Variants in CCDC3 observed in about 807,000 individuals in gnomAD.
CCDC3 encodes the protein coiled-coil domain containing 3, also known as coiled-coil domain-containing protein 3.
In CCDC3, 24 loss-of-function variants were observed where a neutral mutation model predicts 21.4. The observed-to-expected ratio is 1.12, with a 90% confidence interval of 0.81 to 1.58. The LOEUF (loss-of-function observed/expected upper bound fraction) is 1.58. Among genes scored for constraint, CCDC3 ranks in the 40% most tolerant of loss-of-function variants. CCDC3 has a pLI of 0.00. For missense variants in CCDC3, 425 were observed against 360.9 expected, an observed-to-expected ratio of 1.18 and a Z score of -1.44; for synonymous variants, 186 against 166.0, an observed-to-expected ratio of 1.12 and a Z score of -0.93.
intron 2 of CCDC3, among the ~76,000 whole-genome samples, chr10:12,905,517 GC>G (rs1834156012): frequency 6.6e-6 from 1 of 152,188 alleles, no homozygotes; most frequent in Non-Finnish European, 1.5e-5. Flanking sequence ...AACACCTGGT[GC>G]CAGAGACGCC....
At chr10:12,934,950 A>T (rs903561563) in intron 2 of CCDC3, among the ~76,000 whole-genome samples, 1 of 151,670 alleles carries the variant, frequency 6.6e-6, no homozygotes, top group Non-Finnish European at 1.5e-5. Context: ...TGTTACCCAC[A>T]CTGGAGTCCA....
chr10:12,982,180 C>T (rs986119154), intron 2 of CCDC3, among the ~76,000 whole-genome samples: 2 of 141,864 alleles, frequency 1.4e-5, no homozygotes, highest in African/African-American at 2.8e-5. Context: ...AAATCAAAAG[C>T]CATGGTCACA....
chr10:13,016,872 T>C (rs1229918047), intron 5 of CCDC3, among the ~76,000 whole-genome samples: 2 of 152,086 alleles, frequency 1.3e-5, no homozygotes, highest in Non-Finnish European at 2.9e-5. Context: ...TCTATAATAC[T>C]TCCACATTTA....
chr10:12,948,268 TG>T (rs146312555), intron 2 of CCDC3, among the ~76,000 whole-genome samples: 2,564 of 152,316 alleles, frequency 0.017, 68 homozygotes, highest in African/African-American at 0.058. Context: ...CCCAGCCACA[TG>T]GAACTGTGAG....
rs578157324 is a variant in CCDC3, at chr10:12,919,009, T to C, written c.550-20330A>G. On this transcript the variant is annotated intron_variant, in intron 2 of 2. Transcript: ENST00000378825. ...AGGCGGAGCTTGCAGTGAGCCGAGA[T>C]TGTGCCACTGCACTCCAGCCTGGGT... is the stretch of plus-strand genomic sequence containing the variant. Among the ~76,000 whole-genome samples, 52 of 152,162 alleles carry C rather than the reference T, an allele frequency of 3.4e-4. No individual in the cohort carries two copies. The East Asian group carries it at 4.3e-3, about 12-fold the overall frequency.
chr10:13,061,441 C>T (rs572481619), intron 4 of CCDC3, among the ~76,000 whole-genome samples: 29 of 152,066 alleles, frequency 1.9e-4, no homozygotes, highest in South Asian at 8.3e-4. Context: ...CTTGTGTGGA[C>T]GAAAACAGTC....
upstream of CCDC3, among the ~76,000 whole-genome samples, chr10:13,002,793 G>T (rs1220159935): frequency 1.3e-5 from 2 of 152,188 alleles, no homozygotes; most frequent in Non-Finnish European, 2.9e-5. Context: ...GAGTTTTGGA[G>T]GCAGGAAGTC....
intron 2 of CCDC3, among the ~76,000 whole-genome samples, chr10:12,945,031 C>G (rs756363699): frequency 3.3e-5 from 5 of 152,170 alleles, no homozygotes; most frequent in Non-Finnish European, 7.3e-5. Flanking sequence ...ACAACTTTCC[C>G]TCCCCTATAG....
chr10:12,924,419 C>G (rs1316566505), intron 2 of CCDC3, among the ~76,000 whole-genome samples: 6 of 152,138 alleles, frequency 3.9e-5, no homozygotes, highest in African/African-American at 9.7e-5. Context: ...CTTTCTGAAG[C>G]GAATATTCGT....
chr10:13,087,697 A>T (rs1837128666), intron 3 of CCDC3, among the ~76,000 whole-genome samples: 1 of 149,232 alleles, frequency 6.7e-6, no homozygotes, highest in African/African-American at 2.5e-5. Context: ...TTAGATACTT[A>T]GAAGATGATA....
At chr10:13,086,786 C>A (rs1157023813) in intron 3 of CCDC3, among the ~76,000 whole-genome samples, 1 of 152,284 alleles carries the variant, frequency 6.6e-6, no homozygotes, top group African/African-American at 2.4e-5. Flanking sequence ...GGAATTCAAT[C>A]CTAGTTTTCA....
intron 3 of CCDC3, among the ~76,000 whole-genome samples, chr10:13,092,517 T>C (rs1832583610): frequency 6.6e-6 from 1 of 152,228 alleles, no homozygotes; most frequent in African/African-American, 2.4e-5. Flanking sequence ...ATGACTGGGA[T>C]TTCTTTCTGC....
intron 2 of CCDC3, among the ~76,000 whole-genome samples, chr10:12,919,948 G>A (rs978509824): frequency 6.6e-6 from 1 of 152,088 alleles, no homozygotes. Context: ...TGGAATTGAG[G>A]CTCCCCAGCC....
chr10:12,937,620 G>C (rs1196438754), intron 2 of CCDC3, among the ~76,000 whole-genome samples: 1 of 152,118 alleles, frequency 6.6e-6, no homozygotes, highest in Non-Finnish European at 1.5e-5. Context: ...TTCTGAAAAA[G>C]AGCCCATAAG....
At chr10:12,951,191 T>G (rs1835002670) in intron 2 of CCDC3, among the ~76,000 whole-genome samples, 2 of 152,172 alleles carry the variant, frequency 1.3e-5, no homozygotes, top group Non-Finnish European at 2.9e-5. Context: ...GGAAACATAG[T>G]GAGACTCTCA....
chr10:12,924,096 A>T (rs1399655169), intron 2 of CCDC3, among the ~76,000 whole-genome samples: 1 of 152,218 alleles, frequency 6.6e-6, no homozygotes, highest in Non-Finnish European at 1.5e-5. Context: ...TGCTTTAAGC[A>T]CCTACTATCA....
intron 5 of CCDC3, among the ~76,000 whole-genome samples, chr10:13,045,297 C>T (rs1267438519): frequency 6.6e-6 from 1 of 152,110 alleles, no homozygotes; most frequent in Non-Finnish European, 1.5e-5. Flanking sequence ...ACTGAATTAC[C>T]ATTATAGGTA....
At chr10:12,955,742 T>C (rs920638481) in intron 2 of CCDC3, among the ~76,000 whole-genome samples, 6 of 151,496 alleles carry the variant, frequency 4.0e-5, no homozygotes, top group Non-Finnish European at 8.8e-5. Flanking sequence ...TTTTTTGTTG[T>C]TTATTTATTT....
intron 2 of CCDC3, among the ~76,000 whole-genome samples, chr10:12,974,461 G>A (rs952871508): frequency 3.3e-5 from 5 of 152,222 alleles, no homozygotes; most frequent in African/African-American, 1.2e-4. Flanking sequence ...CTGACTGCGG[G>A]TTGACTGTGA....
Sources: allele counts gnomAD v4.1 joint callset (sites outside exome capture counted in the v4.1 genomes callset), GRCh38; gene constraint gnomAD v4.1.1; transcripts MANE v1.5; gene names NCBI Gene and HGNC (gene_info 2026-07-23, HGNC 2026-07-21).